The following CRADD variants were observed in gnomAD, a reference collection of about 807,000 sequenced individuals.
CRADD encodes the protein CARD and death domain containing adaptor protein, also known as death domain-containing protein CRADD.
CRADD carries 9 observed loss-of-function variants against 15.5 expected under a neutral mutation model. The ratio of observed to expected loss-of-function variants is 0.58; its 90% CI spans 0.35 to 1.01. The LOEUF (loss-of-function observed/expected upper bound fraction) is 1.01. CRADD is among the 50% of genes least tolerant of loss of function. CRADD has a pLI of 0.02. For synonymous variants in CRADD, 118 were observed against 107.6 expected (o/e 1.10, Z -0.60); for missense variants, 227 against 250.3 (o/e 0.91, Z 0.63).
At chr12:93,843,780 A>G (rs7135436) in intron 2 of CRADD, among the ~76,000 whole-genome samples, 128,853 of 151,970 alleles carry the variant, frequency 0.85, 55,145 homozygotes, top group African/African-American at 0.96. Context: ...GAGTGCAGTG[A>G]TGCGATCTCA....
At chr12:93,893,165 C>A (rs537899253) in intron 2 of CRADD, among the ~76,000 whole-genome samples, 1 of 152,144 alleles carries the variant, frequency 6.6e-6, no homozygotes, top group African/African-American at 2.4e-5. Context: ...TTAGAGATTT[C>A]TTTACAGTTC....
At chr12:93,799,530 T>C (rs918521967) in intron 2 of CRADD, among the ~76,000 whole-genome samples, 1 of 152,220 alleles carries the variant, frequency 6.6e-6, no homozygotes, top group Non-Finnish European at 1.5e-5. Flanking sequence ...AGCATGTAAC[T>C]GTAAGCATGA....
intron 2 of CRADD, among the ~76,000 whole-genome samples, chr12:93,865,760 G>A (rs912840332): frequency 6.6e-6 from 1 of 152,052 alleles, no homozygotes; most frequent in Non-Finnish European, 1.5e-5. Context: ...TACAATGTTT[G>A]CTATGTAAAC....
At chr12:93,721,221 A>G (rs1270478102) in intron 2 of CRADD, among the ~76,000 whole-genome samples, 1 of 152,044 alleles carries the variant, frequency 6.6e-6, no homozygotes, top group Non-Finnish European at 1.5e-5. Context: ...GTGAGCCACC[A>G]TGCTCCTTTT....
At chr12:93,743,815 T>A (rs1956714888) in intron 2 of CRADD, among the ~76,000 whole-genome samples, 1 of 152,212 alleles carries the variant, frequency 6.6e-6, no homozygotes, top group Non-Finnish European at 1.5e-5. Context: ...TGCTTGAAAT[T>A]ATGCAATAAA....
chr12:93,865,416 ATACTT>A, intron 2 of CRADD, among the ~76,000 whole-genome samples: 1 of 152,078 alleles, frequency 6.6e-6, no homozygotes, highest in African/African-American at 2.4e-5. Flanking sequence ...ATCCTCTTGT[ATACTT>A]TATTTATTTA....
intron 2 of CRADD, among the ~76,000 whole-genome samples, chr12:93,721,432 T>C (rs573140524): frequency 3.5e-4 from 53 of 152,190 alleles, no homozygotes; most frequent in Admixed American, 1.0e-3. Flanking sequence ...TATAACTATA[T>C]GTGTATGCAC....
chr12:93,692,909 T>C (rs1418988154), intron 2 of CRADD, among the ~76,000 whole-genome samples: 1 of 152,156 alleles, frequency 6.6e-6, no homozygotes, highest in African/African-American at 2.4e-5. Flanking sequence ...TTATAAAGTA[T>C]ATACAAAACA....
At chr12:93,696,125 T>C (rs970948280) in intron 2 of CRADD, among the ~76,000 whole-genome samples, 1 of 152,202 alleles carries the variant, frequency 6.6e-6, no homozygotes, top group Non-Finnish European at 1.5e-5. Context: ...AGTGGAACCT[T>C]TGCATACTTG....
intron 2 of CRADD, among the ~76,000 whole-genome samples, chr12:93,756,120 A>G (rs1956887480): frequency 1.3e-5 from 2 of 152,236 alleles, no homozygotes; most frequent in African/African-American, 4.8e-5. Context: ...TTAAAAAAGC[A>G]CTAATAATTA....
chr12:93,717,964 A>G (rs1265849713), intron 2 of CRADD, among the ~76,000 whole-genome samples: 3 of 152,052 alleles, frequency 2.0e-5, no homozygotes, highest in Admixed American at 1.3e-4. Flanking sequence ...CTTTTGCTCC[A>G]TTGTCAAAGA....
At chr12:93,764,948 A>G (rs1366932089) in intron 2 of CRADD, among the ~76,000 whole-genome samples, 1 of 152,080 alleles carries the variant, frequency 6.6e-6, no homozygotes, top group Non-Finnish European at 1.5e-5. Context: ...TTGGGGAAAA[A>G]AATCCCATGG....
intron 2 of CRADD, among the ~76,000 whole-genome samples, chr12:93,702,068 G>A (rs962869884): frequency 1.3e-5 from 2 of 151,586 alleles, no homozygotes; most frequent in Non-Finnish European, 1.5e-5. Context: ...TCTCACCATC[G>A]AATGCCATCC....
intron 2 of CRADD, among the ~76,000 whole-genome samples, chr12:93,872,704 G>C (rs778596879): frequency 3.2e-4 from 48 of 151,988 alleles, no homozygotes; most frequent in Admixed American, 1.6e-3. Flanking sequence ...TTGTCAAAAA[G>C]TGTTTTCATC....
intron 2 of CRADD, among the ~76,000 whole-genome samples, chr12:93,780,638 A>T (rs1957196817): frequency 6.6e-6 from 1 of 152,200 alleles, no homozygotes; most frequent in Non-Finnish European, 1.5e-5. Flanking sequence ...AAACAAACAC[A>T]TGCCAGTAGA....
chr12:93,894,164 T>C, exon 3 of CRADD: 1 of 701,162 alleles, frequency 1.4e-6, no homozygotes. Context: ...CTACCCTCTT[T>C]CCTCTACACC....
intron 2 of CRADD, among the ~76,000 whole-genome samples, chr12:93,876,253 A>T (rs1255389874): frequency 6.6e-6 from 1 of 151,790 alleles, no homozygotes. Flanking sequence ...TCCATTCTTT[A>T]TTCTTGACCT....
chr12:93,761,506 T>C (rs1183001008), intron 2 of CRADD, among the ~76,000 whole-genome samples: 2 of 151,950 alleles, frequency 1.3e-5, no homozygotes, highest in African/African-American at 2.4e-5. Flanking sequence ...ACCAGAACAA[T>C]TGGGTGGGTG....
At chr12:93,677,733 G>A (rs1359915380) in intron 1 of CRADD, 1 of 152,302 alleles carries the variant, frequency 6.6e-6, no homozygotes, top group Non-Finnish European at 1.5e-5. Context: ...TTCAGCGGCC[G>A]AAGCAGAGCC....
Sources: allele counts gnomAD v4.1 joint callset (sites outside exome capture counted in the v4.1 genomes callset), GRCh38; gene constraint gnomAD v4.1.1; transcripts MANE v1.5; gene names NCBI Gene and HGNC (gene_info 2026-07-23, HGNC 2026-07-21).